The following MPDZ variants were observed in gnomAD, a reference collection of about 807,000 sequenced individuals.
The protein encoded by MPDZ is multiple PDZ domain crumbs cell polarity complex component.
In MPDZ, 234 loss-of-function variants were observed where a neutral mutation model predicts 239.1. The ratio of observed to expected loss-of-function variants is 0.98; its 90% CI spans 0.88 to 1.09. The LOEUF is 1.09. MPDZ is among the 50% of genes least tolerant of loss of function. MPDZ has a pLI of 0.00. For synonymous variants in MPDZ, 1,048 were observed against 881.3 expected (o/e 1.19, Z -3.35); for missense variants, 3,175 against 2,510.0 (o/e 1.26, Z -5.66).
intron 19 of MPDZ, among the ~76,000 whole-genome samples, chr9:13,181,558 G>A (rs1411470075): frequency 6.6e-6 from 1 of 152,070 alleles, no homozygotes; most frequent in Admixed American, 6.6e-5. Context: ...CCTCATTAAT[G>A]TCTTCTTTGT....
At chr9:13,117,229 G>A (rs1943597017) in intron 39 of MPDZ, among the ~76,000 whole-genome samples, 4 of 152,194 alleles carry the variant, frequency 2.6e-5, no homozygotes, top group East Asian at 1.9e-4. Context: ...AAGAGAAACT[G>A]CAGATTAGGA....
chr9:13,233,022 GA>G (rs1962959477), intron 3 of MPDZ, among the ~76,000 whole-genome samples: 1 of 152,018 alleles, frequency 6.6e-6, no homozygotes, highest in Admixed American at 6.6e-5. Context: ...TAAAATTGGA[GA>G]AAATAAATTT....
chr9:13,154,327 T>C (rs1299298969), intron 24 of MPDZ, among the ~76,000 whole-genome samples: 1 of 151,912 alleles, frequency 6.6e-6, no homozygotes, highest in Non-Finnish European at 1.5e-5. Context: ...GAGATCGTTA[T>C]GTAGGGAAAA....
At chr9:13,245,633 C>A (rs1966423233) in intron 3 of MPDZ, among the ~76,000 whole-genome samples, 1 of 152,120 alleles carries the variant, frequency 6.6e-6, no homozygotes, top group South Asian at 2.1e-4. Context: ...TAAGACATGT[C>A]TCATAGAATT....
chr9:13,249,008 A>AAAAAAAAAAAAAAAAAAAAAC (rs1279043046), intron 2 of MPDZ, among the ~76,000 whole-genome samples: 1 of 125,256 alleles, frequency 8.0e-6, no homozygotes, highest in Non-Finnish European at 1.7e-5. Flanking sequence ...AAAAAAAAAA[A>AAAAAAAAAAAAAAAAAAAAAC]ATTGGAATCA....
At chr9:13,215,484 TG>T (rs1056509093) in intron 10 of MPDZ, among the ~76,000 whole-genome samples, 2 of 151,090 alleles carry the variant, frequency 1.3e-5, no homozygotes, top group African/African-American at 4.8e-5. Context: ...CATAGATATT[TG>T]GGTTGCTTCC....
chr9:13,181,157 GA>G (rs1169306322), intron 19 of MPDZ, among the ~76,000 whole-genome samples: 1 of 152,080 alleles, frequency 6.6e-6, no homozygotes, highest in Non-Finnish European at 1.5e-5. Context: ...AAAATCTAAG[GA>G]ATTGCTGAGA....
chr9:13,141,119 T>C (rs959374237), intron 27 of MPDZ, among the ~76,000 whole-genome samples: 11 of 151,758 alleles, frequency 7.2e-5, no homozygotes, highest in African/African-American at 2.4e-4. Flanking sequence ...AAAAAGTACT[T>C]GGCATCATCA....
intron 18 of MPDZ, 130 bp from the exon 19 acceptor site, chr9:13,183,715 A>ACTGTAAAGG: frequency 1.2e-6 from 1 of 839,442 alleles, no homozygotes; most frequent in Non-Finnish European, 1.9e-6. Flanking sequence ...ATGCCCTCTT[A>ACTGTAAAGG]ACCCTCATCA....
At chr9:13,278,983 C>G (rs1010360152) in intron 1 of MPDZ, 1 of 151,682 alleles carries the variant, frequency 6.6e-6, no homozygotes, top group Non-Finnish European at 1.5e-5. Flanking sequence ...CCCCCCGACA[C>G]CAAGACTGTG....
Position 13,126,550 on chromosome 9 carries a change from T to G in MPDZ, c.4598A>C (p.Asp1533Ala). Residue 1533 changes from aspartate (D) to alanine (A), a missense_variant, in exon 34 of 47, where the codon GAT becomes GCT. By Grantham distance (126) the Asp-to-Ala change is moderately radical. Transcript: ENST00000319217. Reference sequence around the variant, plus strand: ...AGGGTAACCAACAACAATTTCATCATCTACAGCCAGTATCTGATCTCCGAC... The same window carrying G: ...AGGGTAACCAACAACAATTTCATCAGCTACAGCCAGTATCTGATCTCCGAC... ...LKVGDQILAV[D>A]DEIVVGYPIE... 1 of 1,581,184 alleles carries G rather than the reference T, an allele frequency of 6.3e-7. No homozygotes were observed. Among genetic ancestry groups the G allele is most frequent in the Non-Finnish European group, 8.6e-7 (1 of 1,162,202 alleles).
rs1482299317 is a variant in MPDZ at position 13,143,506 on chromosome 9, G to C, written c.3800C>G (p.Thr1267Ser). The change falls in exon 27 of 47, where the codon ACT becomes AGT. Residue 1267 changes from threonine (T) to serine (S), a missense_variant. Transcript: ENST00000319217. ...NLYPKYNFSSTNPFADSLQIN... is the reference protein window; with the variant it reads ...NLYPKYNFSSSNPFADSLQIN... ...TTGTAGAGAGTCAGCAAATGGGTTA[G>C]TGCTGCTGAAGTTGTACTTAGGGTA... 4.3e-6 allele frequency: 7 copies of C among 1,613,018 alleles called. No homozygotes were observed. Among genetic ancestry groups the C allele is most frequent in the Admixed American group, 1.7e-5 (1 of 59,958 alleles).
At chr9:13,237,284 A>G (rs117275943) in intron 3 of MPDZ, among the ~76,000 whole-genome samples, 7,917 of 151,812 alleles carry the variant, frequency 0.052, 272 homozygotes, top group Non-Finnish European at 0.084. Context: ...CTCTACAAAA[A>G]AAAAAATTGC....
intron 1 of MPDZ, among the ~76,000 whole-genome samples, chr9:13,251,533 G>A (rs1275273804): frequency 6.6e-6 from 1 of 152,176 alleles, no homozygotes; most frequent in Non-Finnish European, 1.5e-5. Flanking sequence ...GAATCATGAG[G>A]AAGACAGTCA....
chr9:13,249,743 A>C (rs1371977968), intron 2 of MPDZ, among the ~76,000 whole-genome samples: 2 of 152,228 alleles, frequency 1.3e-5, no homozygotes, highest in Non-Finnish European at 2.9e-5. Context: ...TCTACAAACT[A>C]GTTTCTTTAA....
intron 10 of MPDZ, among the ~76,000 whole-genome samples, chr9:13,208,463 A>T (rs186770389): frequency 0.036 from 5,202 of 146,280 alleles, 232 homozygotes; most frequent in African/African-American, 0.095. Flanking sequence ...ATAAATATTA[A>T]AAAAAAAAAA....
intron 24 of MPDZ, among the ~76,000 whole-genome samples, chr9:13,155,848 A>T (rs1175924833): frequency 6.6e-6 from 1 of 152,276 alleles, no homozygotes; most frequent in African/African-American, 2.4e-5. Flanking sequence ...AGCTTAGTGA[A>T]TCTAGGAGAA....
At chr9:13,232,324 A>G (rs1392999106) in intron 3 of MPDZ, among the ~76,000 whole-genome samples, 1 of 152,180 alleles carries the variant, frequency 6.6e-6, no homozygotes, top group Non-Finnish European at 1.5e-5. Flanking sequence ...TGTTCAAGAT[A>G]TGATTAAATT....
intron 21 of MPDZ, among the ~76,000 whole-genome samples, chr9:13,169,407 C>T (rs750209355): frequency 5.9e-5 from 9 of 151,992 alleles, no homozygotes; most frequent in Non-Finnish European, 1.3e-4. Context: ...GTAGAAATAC[C>T]GGGGTCTTTC....
Sources: allele counts gnomAD v4.1 joint callset (sites outside exome capture counted in the v4.1 genomes callset), GRCh38; gene constraint gnomAD v4.1.1; transcripts MANE v1.5; gene names NCBI Gene and HGNC (gene_info 2026-07-23, HGNC 2026-07-21).